The following DNAH14 variants were observed in gnomAD, a reference collection of about 807,000 sequenced individuals.
DNAH14 encodes the protein dynein axonemal heavy chain 14.
DNAH14 carries 478 observed loss-of-function variants against 520.9 expected under a neutral mutation model. That is an observed-to-expected ratio of 0.92 (90% confidence interval 0.85 to 0.99). The LOEUF (loss-of-function observed/expected upper bound fraction) is 0.99, where lower values mean the gene tolerates loss of function less well. DNAH14 is among the 50% of genes least tolerant of loss of function. DNAH14 has a pLI of 0.00. For synonymous variants in DNAH14, 1,581 were observed against 1,757.2 expected (o/e 0.90, Z 2.51); for missense variants, 4,831 against 5,234.5 (o/e 0.92, Z 2.38).
intron 1 of DNAH14, among the ~76,000 whole-genome samples, chr1:224,942,348 T>G (rs2059478846): frequency 6.6e-6 from 1 of 152,230 alleles, no homozygotes; most frequent in Admixed American, 6.5e-5. Context: ...TTTTGTGCAT[T>G]GATTTTGTAT....
rs936827965 is a variant in DNAH14, at chr1:225,233,450, T to A, written c.6518+2299T>A. 4.0e-4 allele frequency among the ~76,000 whole-genome samples: 61 copies of A among 152,150 alleles called. 1 individual carries two copies. The highest frequency in any genetic ancestry group is 8.8e-5 in the Non-Finnish European group (6 of 68,014). ...CAGTGTAAAAGCATTCCTTTTTCTT[T>A]GCAACCTTGACAGCATCTGTTGTTT... On this transcript the variant is annotated intron_variant, in intron 42 of 85. Transcript: ENST00000682510.
chr1:224,975,203 T>C (rs1317002785), intron 8 of DNAH14, among the ~76,000 whole-genome samples: 1 of 152,164 alleles, frequency 6.6e-6, no homozygotes. Flanking sequence ...TTGTTGTGTC[T>C]CTGCCCAGTT....
At chr1:225,385,122 A>G (rs2095825390) in intron 81 of DNAH14, among the ~76,000 whole-genome samples, 1 of 152,254 alleles carries the variant, frequency 6.6e-6, no homozygotes, top group Non-Finnish European at 1.5e-5. Context: ...AACCAAAGAC[A>G]AAAACAACAT....
intron 16 of DNAH14, among the ~76,000 whole-genome samples, chr1:225,050,914 T>A (rs1014030437): frequency 2.6e-5 from 4 of 152,312 alleles, no homozygotes; most frequent in African/African-American, 9.6e-5. Context: ...TAGATTGTGA[T>A]AAGGGATGCA....
chr1:225,069,790 C>T (rs113766704), intron 17 of DNAH14, among the ~76,000 whole-genome samples: 8,010 of 152,162 alleles, frequency 0.053, 323 homozygotes, highest in Non-Finnish European at 0.078. Flanking sequence ...ATGGTACCAG[C>T]CCTTCTTTGT....
rs1454176060 is a variant in DNAH14, at chr1:225,340,659, G to T, written c.10636G>T (p.Glu3546Ter). The T allele has an allele frequency of 3.9e-6, 6 of 1,551,156 alleles. No individual in the cohort carries two copies. The highest frequency in any genetic ancestry group is 5.2e-6 in the Non-Finnish European group (6 of 1,146,824). Residue 3546 changes from glutamate to a stop codon, truncating the protein, a stop_gained, in exon 69 of 86, where the codon GAA becomes TAA. Transcript: ENST00000682510. LOFTEE classifies it high-confidence loss of function. ...SISLDAITLE[E>*]LEEKTLNLLQ... The stretch of plus-strand genomic sequence containing the variant: ...TTCCCTTGATGCCATAACTCTTGAA[G>T]AACTAGAGGAAAAAACATTAAATTT...
chr1:225,062,736 C>T (rs2070341182), intron 17 of DNAH14, among the ~76,000 whole-genome samples: 1 of 152,086 alleles, frequency 6.6e-6, no homozygotes, highest in Non-Finnish European at 1.5e-5. Flanking sequence ...TCAGTGTGGA[C>T]CCCAAATGAG....
At chr1:225,373,734 GA>G (rs2150676746) in intron 77 of DNAH14, among the ~76,000 whole-genome samples, 1 of 152,138 alleles carries the variant, frequency 6.6e-6, no homozygotes, top group African/African-American at 2.4e-5. Flanking sequence ...TGCGCTTTTT[GA>G]ATTCAGTACC....
rs145490384 is a variant in DNAH14, at chr1:225,390,854, A to G, written c.13330+981A>G. 1.6e-3 allele frequency among the ~76,000 whole-genome samples: 248 copies of G among 152,242 alleles called. 2 individuals carry two copies. Among genetic ancestry groups the G allele is most frequent in the Admixed American group, 4.0e-3 (61 of 15,298 alleles). ...GAGAAAACCTTAGCACAGAGAAGTT[A>G]AGAAATTTGCCCCAAGTCATATCAC... On this transcript the variant is annotated intron_variant, in intron 83 of 85. Transcript: ENST00000682510.
intron 3 of DNAH14, among the ~76,000 whole-genome samples, chr1:224,958,376 C>G (rs900855116): frequency 6.6e-6 from 1 of 151,972 alleles, no homozygotes; most frequent in African/African-American, 2.4e-5. Flanking sequence ...TCAAATAGCA[C>G]TAGGATGTGC....
intron 8 of DNAH14, among the ~76,000 whole-genome samples, chr1:224,993,955 C>T (rs1457285189): frequency 6.6e-6 from 1 of 151,928 alleles, no homozygotes; most frequent in East Asian, 1.9e-4. Context: ...TGTGCAAGAA[C>T]ATGTTGTTTT....
At chr1:225,328,982 C>G (rs1045474632) in intron 64 of DNAH14, among the ~76,000 whole-genome samples, 1 of 151,928 alleles carries the variant, frequency 6.6e-6, no homozygotes, top group African/African-American at 2.4e-5. Flanking sequence ...ATATTTTCAC[C>G]AGGATAGCAT....
chr1:225,374,199 TA>T (rs1558560878), intron 77 of DNAH14, among the ~76,000 whole-genome samples: 3 of 66,602 alleles, frequency 4.5e-5, no homozygotes, highest in Admixed American at 1.9e-4. Context: ...CTAGTAAATA[TA>T]AACTATTCTA....
intron 41 of DNAH14, among the ~76,000 whole-genome samples, chr1:225,214,136 G>A (rs546522520): frequency 5.3e-5 from 8 of 152,076 alleles, no homozygotes; most frequent in South Asian, 2.1e-4. Context: ...GAATTTTTTC[G>A]AAGGCCTTTT....
chr1:225,040,833 A>C (rs1198307548), intron 12 of DNAH14, among the ~76,000 whole-genome samples: 1 of 152,216 alleles, frequency 6.6e-6, no homozygotes, highest in Non-Finnish European at 1.5e-5. Flanking sequence ...AATGACCTTT[A>C]GCAATTCATA....
intron 26 of DNAH14, 29 bp from the exon 27 acceptor site, chr1:225,123,498 A>G (rs1322424394): frequency 2.5e-6 from 1 of 399,392 alleles, no homozygotes; most frequent in Non-Finnish European, 5.2e-6. Flanking sequence ...TTAAGTATAA[A>G]TAACATAAAT....
chr1:225,250,766 T>C, intron 43 of DNAH14: 1 of 476,048 alleles, frequency 2.1e-6, no homozygotes, highest in South Asian at 4.2e-5. Flanking sequence ...GTAAATGGGC[T>C]TGGGATTGGC....
chr1:224,942,871 A>C (rs1285141728), intron 1 of DNAH14, among the ~76,000 whole-genome samples: 2 of 152,134 alleles, frequency 1.3e-5, no homozygotes, highest in African/African-American at 4.8e-5. Context: ...ATCATGGTGG[A>C]TAAGCTTTTT....
chr1:224,993,983 A>C (rs1389132288), intron 8 of DNAH14, among the ~76,000 whole-genome samples: 1 of 151,900 alleles, frequency 6.6e-6, no homozygotes, highest in African/African-American at 2.4e-5. Context: ...TGTATTTGTG[A>C]ATTACCAAAA....
Sources: allele counts gnomAD v4.1 joint callset (sites outside exome capture counted in the v4.1 genomes callset), GRCh38; gene constraint gnomAD v4.1.1; transcripts MANE v1.5; gene names NCBI Gene and HGNC (gene_info 2026-07-23, HGNC 2026-07-21).